The following POPDC2 variants were observed in gnomAD, a reference collection of about 807,000 sequenced individuals.
POPDC2 encodes the protein popeye domain-containing protein 2.
POPDC2 carries 24 observed loss-of-function variants against 30.5 expected under a neutral mutation model. That is an observed-to-expected ratio of 0.79 (90% CI 0.57 to 1.11). The LOEUF (loss-of-function observed/expected upper bound fraction) is 1.11. Ranked by LOEUF, POPDC2 falls within the 50% of genes least tolerant of loss-of-function variation. The probability of loss-of-function intolerance (pLI) is 0.00; values close to 1 mark genes in which losing one functional copy is unlikely to be tolerated. For missense variants in POPDC2, 409 were observed against 447.0 expected (o/e 0.91, Z 0.77); for synonymous variants, 185 against 183.3 (o/e 1.01, Z -0.07).
At position 119,660,141 on chromosome 3, in the gene POPDC2, G is replaced by C. The variant is rs1397744377; in HGVS notation, c.283C>G (p.Leu95Val). The change falls in exon 1 of 4, where the codon CTG (leucine) becomes GTG (valine). Residue 95 changes from leucine to valine, a missense_variant. Coordinates refer to ENST00000493094, the MANE Select transcript of POPDC2 (RefSeq NM_001369919.2). ...GTGTCCTCACGCAGGCGGTATACCA[G>C]GTGTGCCAGCTGGAGCAGGCAGACC... is the stretch of plus-strand genomic sequence containing the variant. ...AVVCLLQLAHLVYRLREDTLP... is the reference protein window; with the variant it reads ...AVVCLLQLAHVVYRLREDTLP... 1.2e-6 allele frequency: 2 copies of C among 1,614,194 alleles called. No homozygotes were observed. The highest frequency in any genetic ancestry group is 1.7e-6 in the Non-Finnish European group (2 of 1,180,032).
chr3:119,654,405 G>T, intron 2 of POPDC2, 100 bp downstream of exon 2: 1 of 802,596 alleles, frequency 1.2e-6, no homozygotes, highest in Non-Finnish European at 2.1e-6. Context: ...ACTGGCAGGG[G>T]TGCGAAGGAC....
rs1015266482 is a variant in POPDC2, at chr3:119,648,664, G to A, written c.605C>T (p.Thr202Ile). The A allele has an allele frequency of 1.2e-6, 2 of 1,612,086 alleles. No homozygotes were observed. The highest frequency in any genetic ancestry group is 2.7e-5 in the African/African-American group (2 of 74,834). The change falls in exon 3 of 4, where the codon ACT (threonine) becomes ATT (isoleucine). Residue 202 changes from threonine to isoleucine, a missense_variant. Thr to Ile is a moderately conservative substitution (Grantham distance 89). Coordinates refer to ENST00000493094, the MANE Select transcript of POPDC2 (RefSeq NM_001369919.2). ...QPSEEGVFQV[T>I]LTAETSCSYI... ...GCTACATGAGGTCTCAGCAGTCAGA[G>A]TGACCTGAGAGGGGTCAGAAGCAGA...
intron 2 of POPDC2, 47 bp from the exon 3 acceptor site, chr3:119,648,715 T>C: frequency 6.6e-7 from 1 of 1,510,760 alleles, no homozygotes; most frequent in Non-Finnish European, 9.0e-7. Context: ...CTAGAAAATT[T>C]GTCCATGCTG....
intron 2 of POPDC2, among the ~76,000 whole-genome samples, chr3:119,654,228 T>A (rs1222083892): frequency 1.3e-5 from 2 of 152,168 alleles, no homozygotes; most frequent in Non-Finnish European, 2.9e-5. Flanking sequence ...AGTTACCCTA[T>A]AACAAGTGTG....
intron 1 of POPDC2, among the ~76,000 whole-genome samples, chr3:119,659,373 T>G (rs1166874990): frequency 6.6e-6 from 1 of 152,234 alleles, no homozygotes; most frequent in Non-Finnish European, 1.5e-5. Context: ...TCTCCCTACC[T>G]GGCTACATAC....
Position 119,648,261 on chromosome 3 carries a change from C to G in POPDC2, c.1008G>C (p.Leu336=). The change falls in exon 3 of 4, where the codon CTG becomes CTC. Residue 336 remains leucine (L), a synonymous_variant. Transcript: ENST00000493094. ...ARLSRPDSGI[L]GEDSTSLVLE... is the part of the protein sequence containing the mutation. ...GCACCAGACTGGTGGAGTCCTCACCCAGTATGCCACTGTCTGGCCTGGACA... is the reference window on the plus strand; with the variant it reads ...GCACCAGACTGGTGGAGTCCTCACCGAGTATGCCACTGTCTGGCCTGGACA... 1.2e-6 allele frequency: 2 copies of G among 1,613,492 alleles called. No individual in the cohort carries two copies. Among genetic ancestry groups the G allele is most frequent in the Non-Finnish European group, 8.5e-7 (1 of 1,179,760 alleles).
At chr3:119,646,404 G>A (rs534025510) in intron 3 of POPDC2, among the ~76,000 whole-genome samples, 9 of 152,274 alleles carry the variant, frequency 5.9e-5, no homozygotes, top group African/African-American at 2.2e-4. Context: ...ACCAAGGCAG[G>A]AGGATTATTT....
At chr3:119,653,139 C>G (rs1206586008) in intron 2 of POPDC2, among the ~76,000 whole-genome samples, 1 of 152,144 alleles carries the variant, frequency 6.6e-6, no homozygotes, top group Non-Finnish European at 1.5e-5. Flanking sequence ...AATGGTAGAT[C>G]CAGGCAACTT....
chr3:119,644,203 A>G (rs1252156406), intron 3 of POPDC2, among the ~76,000 whole-genome samples: 1 of 152,216 alleles, frequency 6.6e-6, no homozygotes, highest in African/African-American at 2.4e-5. Flanking sequence ...TAATAGGGAG[A>G]AAAGAAACAG....
intron 3 of POPDC2, among the ~76,000 whole-genome samples, chr3:119,644,544 G>A (rs2052724498): frequency 6.6e-6 from 1 of 152,068 alleles, no homozygotes; most frequent in Non-Finnish European, 1.5e-5. Flanking sequence ...TTCAATTTTG[G>A]GTACCACCAG....
At position 119,660,135 on chromosome 3, in the gene POPDC2, A is replaced by G; in HGVS notation, c.289T>C (p.Tyr97His). 1 of 1,614,236 alleles carries G rather than the reference A, an allele frequency of 6.2e-7. No individual in the cohort carries two copies. Among genetic ancestry groups the G allele is most frequent in the Non-Finnish European group, 8.5e-7 (1 of 1,180,034 alleles). Residue 97 changes from tyrosine to histidine, a missense_variant, in exon 1 of 4, where the codon TAC becomes CAC. By Grantham distance (83) the Tyr-to-His change is moderately conservative (BLOSUM62 2). Coordinates refer to ENST00000493094, the MANE Select transcript of POPDC2 (RefSeq NM_001369919.2). ...GGGAGGGTGTCCTCACGCAGGCGGT[A>G]TACCAGGTGTGCCAGCTGGAGCAGG... ...VCLLQLAHLV[Y>H]RLREDTLPEE... is the part of the protein sequence containing the mutation.
chr3:119,653,119 AAAG>A (rs1364271437), intron 2 of POPDC2, among the ~76,000 whole-genome samples: 45 of 152,294 alleles, frequency 3.0e-4, no homozygotes, highest in African/African-American at 1.1e-3. Flanking sequence ...CCATTTTAAT[AAAG>A]AACAGAAATG....
At chr3:119,659,821 C>T (rs2052920415) in intron 1 of POPDC2, 112 bp downstream of exon 1, 1 of 1,322,740 alleles carries the variant, frequency 7.6e-7, no homozygotes, top group Admixed American at 2.3e-5. Flanking sequence ...ATCCTTCCCT[C>T]AATGGAAGGG....
intron 3 of POPDC2, among the ~76,000 whole-genome samples, chr3:119,645,630 A>G (rs1018557018): frequency 3.2e-4 from 49 of 152,198 alleles, no homozygotes; most frequent in African/African-American, 1.2e-3. Flanking sequence ...CACTGTAATC[A>G]CATGGTAGGT....
At chr3:119,657,617 G>C (rs538181295) in intron 1 of POPDC2, among the ~76,000 whole-genome samples, 9 of 152,342 alleles carry the variant, frequency 5.9e-5, no homozygotes, top group African/African-American at 2.2e-4. Context: ...GAAGACAGCA[G>C]AAGAGAATGG....
intron 3 of POPDC2, among the ~76,000 whole-genome samples, chr3:119,644,088 T>C (rs1577165701): frequency 2.6e-5 from 4 of 152,368 alleles, no homozygotes; most frequent in African/African-American, 9.6e-5. Context: ...ATTGAATCGT[T>C]TCTCTTGCCC....
At chr3:119,643,936 T>C (rs1253112834) in intron 3 of POPDC2, among the ~76,000 whole-genome samples, 3 of 152,326 alleles carry the variant, frequency 2.0e-5, no homozygotes, top group Admixed American at 2.0e-4. Context: ...CCAAATTAAG[T>C]CAAATTCTAA....
chr3:119,657,819 T>A (rs1381462685), intron 1 of POPDC2, among the ~76,000 whole-genome samples: 2 of 152,200 alleles, frequency 1.3e-5, no homozygotes, highest in Admixed American at 1.3e-4. Context: ...AGATGGATGA[T>A]CTTCTCCTAA....
intron 2 of POPDC2, among the ~76,000 whole-genome samples, chr3:119,650,046 T>C (rs961642986): frequency 6.6e-6 from 1 of 152,252 alleles, no homozygotes; most frequent in African/African-American, 2.4e-5. Context: ...AATCTGTCCA[T>C]TACTAATAGT....
Sources: allele counts gnomAD v4.1 joint callset (sites outside exome capture counted in the v4.1 genomes callset), GRCh38; gene constraint gnomAD v4.1.1; transcripts MANE v1.5; gene names NCBI Gene and HGNC (gene_info 2026-07-23, HGNC 2026-07-21).